The following SH3PXD2B variants were observed in gnomAD, a reference collection of about 807,000 sequenced individuals.
The protein encoded by SH3PXD2B is SH3 and PX domain-containing protein 2B.
A neutral mutation model predicts 73.1 loss-of-function variants in SH3PXD2B; 37 were observed. The observed-to-expected ratio is 0.51, with a 90% CI of 0.39 to 0.67. The LOEUF (loss-of-function observed/expected upper bound fraction) is 0.67. Ranked by LOEUF, SH3PXD2B falls within the 30% of genes least tolerant of loss-of-function variation. SH3PXD2B has a pLI of 0.00. For missense variants in SH3PXD2B, 1,053 were observed against 1,197.8 expected (o/e 0.88, Z 1.78); for synonymous variants, 457 against 480.5 (o/e 0.95, Z 0.64).
At chr5:172,429,435 A>G (rs2113478544) in intron 1 of SH3PXD2B, among the ~76,000 whole-genome samples, 1 of 152,338 alleles carries the variant, frequency 6.6e-6, no homozygotes, top group South Asian at 2.1e-4. Flanking sequence ...GTTCCCAGAC[A>G]GGATTTGAGC....
chr5:172,348,650 C>CT lies in SH3PXD2B; in HGVS notation c.1013-1319dup, dbSNP rs779617294. ...TGTATCTATCTATGTATCTATCTAT[C>CT]TATCCTATCTATCTATCTATCTATC... On this transcript the variant is annotated intron_variant, in intron 10 of 12. Coordinates refer to ENST00000311601, the MANE Select transcript of SH3PXD2B (RefSeq NM_001017995.3). Among the ~76,000 whole-genome samples the CT allele has an allele frequency of 8.3e-3, 648 of 77,620 alleles. 6 individuals are homozygous for CT. Among genetic ancestry groups the CT allele is most frequent in the Middle Eastern group, 0.038 (6 of 158 alleles). 50.9% of individuals were successfully genotyped at this position (77,620 alleles called of 152,430 possible).
chr5:172,361,642 A>T (rs868553151), intron 7 of SH3PXD2B, among the ~76,000 whole-genome samples: 6 of 152,184 alleles, frequency 3.9e-5, no homozygotes, highest in African/African-American at 1.4e-4. Context: ...GGAAAGTCAC[A>T]TGGCCTTAGG....
At chr5:172,393,134 G>A (rs1481690563) in intron 4 of SH3PXD2B, among the ~76,000 whole-genome samples, 2 of 152,146 alleles carry the variant, frequency 1.3e-5, no homozygotes, top group South Asian at 2.1e-4. Flanking sequence ...GGATTGTATT[G>A]AATATGTAGA....
At chr5:172,406,932 G>A (rs900083647) in intron 2 of SH3PXD2B, among the ~76,000 whole-genome samples, 1 of 152,126 alleles carries the variant, frequency 6.6e-6, no homozygotes, top group Admixed American at 6.5e-5. Flanking sequence ...AAGAGAGGGA[G>A]GTGTAGGCTG....
Position 172,339,665 on chromosome 5 carries a change from C to G in SH3PXD2B, c.1440G>C (p.Ser480=). The G allele has an allele frequency of 6.2e-7, 1 of 1,614,236 alleles. No homozygotes were observed. Among genetic ancestry groups the G allele is most frequent in the Non-Finnish European group, 8.5e-7 (1 of 1,180,052 alleles). ...LPDAPHGVMD[S]GLPWSKDWKG... is the part of the protein sequence containing the mutation. ...TCCAGTCTTTAGACCATGGCAACCCCGAGTCCATGACACCATGCGGTGCGT... is the reference window on the plus strand; with the variant it reads ...TCCAGTCTTTAGACCATGGCAACCCGGAGTCCATGACACCATGCGGTGCGT... Residue 480 remains serine (S), a synonymous_variant, in exon 13 of 13, where the codon TCG becomes TCC. Transcript: ENST00000311601. The surrounding 1 kb of genome is among the most constrained non-coding windows in gnomAD (Gnocchi z 6.1).
intron 1 of SH3PXD2B, among the ~76,000 whole-genome samples, chr5:172,432,482 C>A (rs1008541147): frequency 4.6e-5 from 7 of 152,144 alleles, no homozygotes; most frequent in Admixed American, 4.6e-4. Flanking sequence ...CAGCTGGGAA[C>A]GTGCACGTTG....
At chr5:172,444,606 C>G (rs931332149) in intron 1 of SH3PXD2B, among the ~76,000 whole-genome samples, 6 of 152,152 alleles carry the variant, frequency 3.9e-5, no homozygotes, top group African/African-American at 1.4e-4. Flanking sequence ...ATTTAATTGC[C>G]CTGGAATTTC....
At chr5:172,449,648 C>T (rs1227034208) in intron 1 of SH3PXD2B, among the ~76,000 whole-genome samples, 2 of 152,238 alleles carry the variant, frequency 1.3e-5, no homozygotes, top group African/African-American at 4.8e-5. Flanking sequence ...AGCTGCTCAA[C>T]CTCACTGGTG....
At position 172,338,197 on chromosome 5, in the gene SH3PXD2B, G is replaced by A. The variant is rs1203411188; in HGVS notation, c.*172C>T. 2 of 1,499,518 alleles carry A rather than the reference G, an allele frequency of 1.3e-6. No homozygotes were observed. The highest frequency in any genetic ancestry group is 1.4e-5 in the African/African-American group (1 of 71,804). 92.9% of individuals were successfully genotyped at this position (1,499,518 alleles called of 1,614,324 possible). A position where few individuals can be genotyped will look rare whatever the true frequency, so the allele number is the denominator to read the frequency against. ...GTGATAGGAGGGATCAGGCCCAGGG[G>A]CGCCCGAGGTGTCCGAAACTCACTC... On this transcript the variant is annotated 3_prime_UTR_variant, in exon 13 of 13. Coordinates refer to ENST00000311601, the MANE Select transcript of SH3PXD2B (RefSeq NM_001017995.3). This position sits in a 1 kb window ranked among gnomAD's most constrained non-coding sequence, Gnocchi z 5.1.
rs771565324 is a variant in SH3PXD2B at position 172,338,769 on chromosome 5, C to G, written c.2336G>C (p.Arg779Thr). Residue 779 changes from arginine (R) to threonine (T), a missense_variant, in exon 13 of 13, where the codon AGA (arginine) becomes ACA (threonine). Transcript: ENST00000311601. The surrounding 1 kb of genome is among the most constrained non-coding windows in gnomAD (Gnocchi z 5.1). ...TTCGTGGCCTTCACACTGTGGACCT[C>G]TGACCTCTGGGAGCGGCCTGGATGA... ...SSSSRPLPEV[R>T]GPQCEGHESR... 1.2e-6 allele frequency: 2 copies of G among 1,614,214 alleles called. No homozygotes were observed. Among genetic ancestry groups the G allele is most frequent in the Non-Finnish European group, 1.7e-6 (2 of 1,180,030 alleles).
At chr5:172,345,953 A>C (rs530359744) in intron 12 of SH3PXD2B, among the ~76,000 whole-genome samples, 183 bp downstream of exon 12, 3 of 152,326 alleles carry the variant, frequency 2.0e-5, no homozygotes, top group African/African-American at 4.8e-5. Context: ...AACCCTGTGA[A>C]TATCATAAGC....
chr5:172,453,988 G>A lies in SH3PXD2B; in HGVS notation c.75+290C>T, dbSNP rs979454072. 2.2e-4 allele frequency among the ~76,000 whole-genome samples: 34 copies of A among 152,132 alleles called. 1 individual carries two copies. Among genetic ancestry groups the A allele is most frequent in the African/African-American group, 8.2e-4 (34 of 41,518 alleles). Reference sequence around the variant, plus strand: ...TCCACAGATGAGCAGGACGGGAGTTGGGGGGACACGGAGAAGACAGAAAGG... The same window carrying A: ...TCCACAGATGAGCAGGACGGGAGTTAGGGGGACACGGAGAAGACAGAAAGG... On this transcript the variant is annotated intron_variant, in intron 1 of 12. Transcript: ENST00000311601.
rs1350772143 is a variant in SH3PXD2B at position 172,336,251 on chromosome 5, A to G, written c.*2118T>C. On this transcript the variant is annotated 3_prime_UTR_variant, in exon 13 of 13. Coordinates refer to ENST00000311601, the MANE Select transcript of SH3PXD2B (RefSeq NM_001017995.3). The stretch of plus-strand genomic sequence containing the variant: ...GCAGTCAAATCTCACATAGCTTCAC[A>G]AAAGTTGTTTAAACCAAAGTGGATC... 1.0e-6 allele frequency: 1 copy of G among 985,390 alleles called. No individual in the cohort carries two copies. The highest frequency in any genetic ancestry group is 1.2e-6 in the Non-Finnish European group (1 of 829,968). The allele number at this position is 985,390 out of a possible 1,614,324, so 61.0% of individuals were successfully genotyped here.
intron 1 of SH3PXD2B, among the ~76,000 whole-genome samples, chr5:172,440,922 G>T (rs950787898): frequency 1.3e-5 from 2 of 152,160 alleles, no homozygotes; most frequent in African/African-American, 4.8e-5. Context: ...CTTGGGGGCT[G>T]CTGTGAAGTA....
chr5:172,393,248 G>A (rs1366756798), intron 4 of SH3PXD2B, among the ~76,000 whole-genome samples: 3 of 152,132 alleles, frequency 2.0e-5, no homozygotes, highest in Non-Finnish European at 4.4e-5. Context: ...TCATTGAAAT[G>A]TTTTATATAA....
chr5:172,435,862 C>CGGGGCTGTTTCCTTGCA (rs1204659090), intron 1 of SH3PXD2B, among the ~76,000 whole-genome samples: 1 of 152,164 alleles, frequency 6.6e-6, no homozygotes, highest in Non-Finnish European at 1.5e-5. Context: ...CAAATGGGGC[C>CGGGGCTGTTTCCTTGCA]GGGGCTGTTT....
At chr5:172,355,700 A>G (rs1009700517) in intron 8 of SH3PXD2B, among the ~76,000 whole-genome samples, 13 of 151,988 alleles carry the variant, frequency 8.6e-5, no homozygotes, top group Non-Finnish European at 1.6e-4. Context: ...GCCCGCCACC[A>G]CGCCCGGCTA....
rs1182772688 is a variant in SH3PXD2B at position 172,432,928 on chromosome 5, G to A, written c.76-10432C>T. On this transcript the variant is annotated intron_variant, in intron 1 of 12. Coordinates refer to ENST00000311601, the MANE Select transcript of SH3PXD2B (RefSeq NM_001017995.3). ...CTCTGTCTGTCTCAAAAAAAAAAGG[G>A]GGGGGGGGGGGAAGAATTGACTGTA... Among the ~76,000 whole-genome samples, 35 of 47,404 alleles carry A rather than the reference G, an allele frequency of 7.4e-4. 1 individual carries two copies. Among genetic ancestry groups the A allele is most frequent in the African/African-American group, 1.3e-3 (15 of 11,468 alleles). The allele number at this position is 47,404 out of a possible 152,430, so 31.1% of individuals were successfully genotyped here. A position where few individuals can be genotyped will look rare whatever the true frequency, so the allele number is the denominator to read the frequency against.
chr5:172,441,560 G>A (rs1210806933), intron 1 of SH3PXD2B, among the ~76,000 whole-genome samples: 2 of 152,188 alleles, frequency 1.3e-5, no homozygotes, highest in Non-Finnish European at 2.9e-5. Flanking sequence ...CACCCTAGAC[G>A]ATGATGAACT....
Sources: gnomAD v4.1 joint callset for allele counts (sites outside exome capture counted in the v4.1 genomes callset) on GRCh38, gnomAD v4.1.1 for gene constraint, Gnocchi (gnomAD v3.1) non-coding constraint, MANE v1.5 for transcripts, NCBI Gene and HGNC (gene_info 2026-07-23, HGNC 2026-07-21) for gene names.